Variants in SPNS2 observed in about 807,000 individuals in gnomAD.
The protein encoded by SPNS2 is sphingosine-1-phosphate transporter SPNS2.
In SPNS2, 37 loss-of-function variants were observed where a neutral mutation model predicts 57.6. That is an observed-to-expected ratio of 0.64 (90% confidence interval 0.49 to 0.85). The LOEUF is 0.85. Ranked by LOEUF, SPNS2 falls within the 40% of genes least tolerant of loss-of-function variation. The probability of loss-of-function intolerance (pLI) is 0.00; values close to 1 mark genes in which losing one functional copy is unlikely to be tolerated. For synonymous variants in SPNS2, 440 were observed against 346.9 expected (o/e 1.27, Z -2.98); for missense variants, 831 against 779.1 (o/e 1.07, Z -0.79).
rs369407413 is a variant in SPNS2 at position 4,534,329 on chromosome 17, G to A, written c.1344+476G>A. On this transcript the variant is annotated intron_variant, in intron 9 of 12. Coordinates refer to ENST00000329078, the MANE Select transcript of SPNS2 (RefSeq NM_001124758.3). ...CTGGGGACAAAGGGCTGTCTTGAGC[G>A]GCCAGCAGGGGCTTGTGTCCCTGGG... The A allele has an allele frequency of 4.4e-4, 85 of 195,242 alleles. 1 individual carries two copies. Among genetic ancestry groups the A allele is most frequent in the African/African-American group, 1.1e-3 (50 of 43,654 alleles). 12.1% of individuals were successfully genotyped at this position (195,242 alleles called of 1,614,324 possible).
At chr17:4,504,395 C>G (rs1904616416) in intron 1 of SPNS2, among the ~76,000 whole-genome samples, 1 of 151,888 alleles carries the variant, frequency 6.6e-6, no homozygotes, top group Non-Finnish European at 1.5e-5. Flanking sequence ...CTGCCAGCCC[C>G]TCCGCTGTGC....
chr17:4,536,194 G>C lies in SPNS2; in HGVS notation c.1443+20G>C, dbSNP rs750842233. ...GGCTTTGTGAGTAGCCCCGGGGTGG[G>C]GCTGGCCAGGGCAGGCTGGGGGACT... On this transcript the variant is annotated intron_variant, in intron 10 of 12. Coordinates refer to ENST00000329078, the MANE Select transcript of SPNS2 (RefSeq NM_001124758.3). The C allele has an allele frequency of 6.2e-7, 1 of 1,608,864 alleles. No homozygotes were observed. The highest frequency in any genetic ancestry group is 1.7e-5 in the Admixed American group (1 of 59,832).
rs147050638 is a variant in SPNS2 at position 4,537,923 on chromosome 17, G to A, written c.*475G>A. Reference sequence around the variant, plus strand: ...GAGCAGGTGGCCCAGGCCTCAGGGCGGCAGTCCCGGCTTTGAGGCTCACGC... The same window carrying A: ...GAGCAGGTGGCCCAGGCCTCAGGGCAGCAGTCCCGGCTTTGAGGCTCACGC... On this transcript the variant is annotated 3_prime_UTR_variant, in exon 13 of 13. Coordinates refer to ENST00000329078, the MANE Select transcript of SPNS2 (RefSeq NM_001124758.3). 455 of 396,712 alleles carry A rather than the reference G, an allele frequency of 1.1e-3. 2 individuals are homozygous for A. The highest frequency in any genetic ancestry group is 6.7e-3 in the African/African-American group (325 of 48,386). The allele number at this position is 396,712 out of a possible 1,614,324, so 24.6% of individuals were successfully genotyped here. A position where few individuals can be genotyped will look rare whatever the true frequency, so the allele number is the denominator to read the frequency against.
In SPNS2 at chr17:4,538,177, C is replaced by G. The variant is rs975476511; in HGVS notation, c.*729C>G. 1.6e-5 allele frequency: 4 copies of G among 250,056 alleles called. No homozygotes were observed. The highest frequency in any genetic ancestry group is 5.1e-5 in the South Asian group (1 of 19,790). The allele number at this position is 250,056 out of a possible 1,614,324, so 15.5% of individuals were successfully genotyped here. A position where few individuals can be genotyped will look rare whatever the true frequency, so the allele number is the denominator to read the frequency against. ...TGGCTGCAGCTGTACACCACCTGTG[C>G]CCCCAGGCTCAAGGTCTCTGGCAGG... On this transcript the variant is annotated 3_prime_UTR_variant, in exon 13 of 13. Transcript: ENST00000329078.
At chr17:4,530,256 G>A (rs1368957422) in intron 3 of SPNS2, among the ~76,000 whole-genome samples, 1 of 152,220 alleles carries the variant, frequency 6.6e-6, no homozygotes, top group African/African-American at 2.4e-5. Flanking sequence ...GTGGTGGCTT[G>A]AGGCTCCCGA....
At chr17:4,517,681 C>G (rs567563383) in intron 2 of SPNS2, among the ~76,000 whole-genome samples, 1 of 152,192 alleles carries the variant, frequency 6.6e-6, no homozygotes, top group South Asian at 2.1e-4. Context: ...ATAGAGCATA[C>G]AGTTCTCCCT....
At chr17:4,516,336 A>C (rs1396287896) in intron 2 of SPNS2, among the ~76,000 whole-genome samples, 6,975 of 126,666 alleles carry the variant, frequency 0.055, 733 homozygotes, top group African/African-American at 0.18. Flanking sequence ...AAAAAAAAAA[A>C]AAAAAAACAA....
At chr17:4,535,129 G>T (rs527675280) in intron 9 of SPNS2, among the ~76,000 whole-genome samples, 29 of 152,306 alleles carry the variant, frequency 1.9e-4, no homozygotes, top group Admixed American at 1.4e-3. Flanking sequence ...AACAGGGGCT[G>T]CCTGGGCACC....
intron 3 of SPNS2, among the ~76,000 whole-genome samples, 171 bp from the exon 4 acceptor site, chr17:4,530,461 C>T (rs1425338246): frequency 6.6e-6 from 1 of 152,144 alleles, no homozygotes; most frequent in Non-Finnish European, 1.5e-5. Context: ...CAAACTGAGG[C>T]CCGGAGTGGC....
In SPNS2 at chr17:4,530,703, C is replaced by T. The variant is rs750178965; in HGVS notation, c.645C>T (p.Pro215=). The change falls in exon 4 of 13, where the codon CCC becomes CCT. Residue 215 remains proline, a synonymous_variant. Transcript: ENST00000329078. The stretch of plus-strand genomic sequence containing the variant: ...AGGCCAGCTACTCCACCATCGCCCC[C>T]ACTATCATTGGCGACCTCTTCACCA... ...IGEASYSTIA[P]TIIGDLFTKN... 6.2e-7 allele frequency: 1 copy of T among 1,614,088 alleles called. No individual in the cohort carries two copies. Among genetic ancestry groups the T allele is most frequent in the Non-Finnish European group, 8.5e-7 (1 of 1,179,974 alleles).
rs1906035165 is a variant in SPNS2, at chr17:4,538,803, G to C, written c.*1355G>C. The C allele has an allele frequency of 3.9e-6, 3 of 762,894 alleles. No individual in the cohort carries two copies. In the South Asian group the frequency reaches 4.1e-5, roughly 11 times the overall value. 47.3% of individuals were successfully genotyped at this position (762,894 alleles called of 1,614,324 possible). A position where few individuals can be genotyped will look rare whatever the true frequency, so the allele number is the denominator to read the frequency against. On this transcript the variant is annotated 3_prime_UTR_variant, in exon 13 of 13. Transcript: ENST00000329078. ...ACCCCGAGGGCCTGACAAGAGGATG[G>C]GGTGGGGGTGGCATCCTCCAAAGAC...
intron 1 of SPNS2, among the ~76,000 whole-genome samples, chr17:4,503,161 G>T (rs2325995): frequency 6.6e-6 from 1 of 152,160 alleles, no homozygotes; most frequent in Non-Finnish European, 1.5e-5. Flanking sequence ...AGGTCACACG[G>T]GGGGCGGAGC....
At position 4,532,699 on chromosome 17, in the gene SPNS2, A is replaced by G; in HGVS notation, c.935+15A>G. ...CTGATTCGAAAGTGAGTACCGCGGG[A>G]AGGGGTCTGGTGGGAAGAGAGAGGG... On this transcript the variant is annotated intron_variant, in intron 6 of 12. Transcript: ENST00000329078. The G allele has an allele frequency of 1.2e-6, 2 of 1,612,558 alleles. No homozygotes were observed. The highest frequency in any genetic ancestry group is 1.7e-6 in the Non-Finnish European group (2 of 1,179,196).
rs1479953751 is a variant in SPNS2, at chr17:4,512,430, T to C, written c.371-817T>C. ...GCCAGTCTGCTGGGGCTGTGGGTGGTTTCTGGGTGGTCCAGCTGCTGCCCC... is the reference window on the plus strand; with the variant it reads ...GCCAGTCTGCTGGGGCTGTGGGTGGCTTCTGGGTGGTCCAGCTGCTGCCCC... On this transcript the variant is annotated intron_variant, in intron 1 of 12. Coordinates refer to ENST00000329078, the MANE Select transcript of SPNS2 (RefSeq NM_001124758.3). This position sits in a 1 kb window ranked among gnomAD's most constrained non-coding sequence, Gnocchi z 5.2. 2.0e-5 allele frequency among the ~76,000 whole-genome samples: 3 copies of C among 152,038 alleles called. No homozygotes were observed.
intron 1 of SPNS2, among the ~76,000 whole-genome samples, chr17:4,503,767 G>A (rs1411277127): frequency 2.0e-5 from 3 of 152,232 alleles, no homozygotes; most frequent in African/African-American, 7.2e-5. Context: ...GGCTGTTGAG[G>A]AAAGGCAGAG....
chr17:4,527,102 A>G (rs1905279391), intron 3 of SPNS2, among the ~76,000 whole-genome samples: 1 of 152,228 alleles, frequency 6.6e-6, no homozygotes, highest in Non-Finnish European at 1.5e-5. Context: ...AGATAAGCAA[A>G]GGCAGAGAGA....
intron 9 of SPNS2, among the ~76,000 whole-genome samples, chr17:4,534,192 T>G (rs1254589513): frequency 6.6e-6 from 1 of 152,122 alleles, no homozygotes; most frequent in African/African-American, 2.4e-5. Context: ...GGTCTGAGCA[T>G]CCATAGGCTC....
intron 1 of SPNS2, among the ~76,000 whole-genome samples, chr17:4,505,388 G>A (rs1028303730): frequency 1.3e-5 from 2 of 152,162 alleles, no homozygotes; most frequent in Non-Finnish European, 2.9e-5. Context: ...GGGTTTCTCC[G>A]ACAGTGGCTG....
intron 8 of SPNS2, 70 bp downstream of exon 8, chr17:4,533,502 A>C: frequency 6.8e-7 from 1 of 1,460,408 alleles, no homozygotes. Flanking sequence ...GGAACAGGAC[A>C]TTCGGTCTGA....
Sources: allele counts gnomAD v4.1 joint callset (sites outside exome capture counted in the v4.1 genomes callset), GRCh38; gene constraint gnomAD v4.1.1; non-coding constraint Gnocchi (gnomAD v3.1); transcripts MANE v1.5; gene names NCBI Gene and HGNC (gene_info 2026-07-23, HGNC 2026-07-21).